FDFT1: variants seen among roughly 807,000 people sequenced by gnomAD.
The protein encoded by FDFT1 is squalene synthase.
Under a neutral mutation model 46.8 loss-of-function variants are expected in FDFT1, and 68 were observed. That is an observed-to-expected ratio of 1.45 (90% CI 1.19 to 1.78). The LOEUF is 1.78. Among genes scored for constraint, FDFT1 ranks in the 40% most tolerant of loss-of-function variants. FDFT1 has a pLI of 0.00. For missense variants in FDFT1, 928 were observed against 524.4 expected (o/e 1.77, Z -7.52); for synonymous variants, 351 against 185.1 (o/e 1.90, Z -7.28).
intron 4 of FDFT1, among the ~76,000 whole-genome samples, chr8:11,822,740 C>G (rs1409586054): frequency 1.3e-5 from 2 of 152,090 alleles, no homozygotes; most frequent in African/African-American, 2.4e-5. Context: ...TGCTTGAGCC[C>G]AAGAGTTGAA....
chr8:11,825,188 A>T (rs1809792259), intron 4 of FDFT1, among the ~76,000 whole-genome samples: 1 of 152,162 alleles, frequency 6.6e-6, no homozygotes, highest in Non-Finnish European at 1.5e-5. Flanking sequence ...AGTTCCTGTT[A>T]CCAGAATATT....
chr8:11,809,456 CTT>C, intron 2 of FDFT1: 1 of 1,285,940 alleles, frequency 7.8e-7, no homozygotes, highest in Non-Finnish European at 9.8e-7. Flanking sequence ...AACTAGTAGG[CTT>C]TTTAATAAAC....
upstream of FDFT1, among the ~76,000 whole-genome samples, chr8:11,797,268 C>T (rs985028956): frequency 9.2e-5 from 14 of 152,174 alleles, no homozygotes; most frequent in African/African-American, 1.7e-4. Context: ...CTGCCTGCAG[C>T]AGCGGTTGTT....
intron 7 of FDFT1, 114 bp downstream of exon 7, chr8:11,831,784 C>A: frequency 1.1e-6 from 1 of 890,270 alleles, no homozygotes; most frequent in South Asian, 1.5e-5. Flanking sequence ...TATCCTGTGG[C>A]CTAAAGAGAC....
At chr8:11,823,946 G>A (rs559196721) in intron 4 of FDFT1, among the ~76,000 whole-genome samples, 1 of 151,886 alleles carries the variant, frequency 6.6e-6, no homozygotes, top group African/African-American at 2.4e-5. Flanking sequence ...GGGTTTCATC[G>A]TGTTGCCTAG....
chr8:11,828,407 A>G (rs1458332200), intron 5 of FDFT1, among the ~76,000 whole-genome samples: 1 of 152,168 alleles, frequency 6.6e-6, no homozygotes, highest in Non-Finnish European at 1.5e-5. Flanking sequence ...CTCTTGTCTT[A>G]CCCCTCTTTT....
chr8:11,803,341 G>A lies in FDFT1; in HGVS notation c.99+410G>A, dbSNP rs141381802. The A allele has an allele frequency of 4.6e-3, 5,989 of 1,291,940 alleles. 42 individuals carry two copies. The highest frequency in any genetic ancestry group is 4.9e-3 in the Non-Finnish European group (4,817 of 990,632). 80.0% of individuals were successfully genotyped at this position (1,291,940 alleles called of 1,614,324 possible). On this transcript the variant is annotated intron_variant, in intron 1 of 7. Transcript: ENST00000220584. ...ATGCAGATAACATCACATGAAGGCCGTTTCTGGAATGAAGTCTGACTCCTC... is the reference window on the plus strand; with the variant it reads ...ATGCAGATAACATCACATGAAGGCCATTTCTGGAATGAAGTCTGACTCCTC...
chr8:11,838,904 ATG>A lies in FDFT1; in HGVS notation c.*296_*297del. 1 of 397,118 alleles carries A rather than the reference ATG, an allele frequency of 2.5e-6. No homozygotes were observed. The highest frequency in any genetic ancestry group is 5.6e-5 in the East Asian group (1 of 17,718). 24.6% of individuals were successfully genotyped at this position (397,118 alleles called of 1,614,324 possible). On this transcript the variant is annotated 3_prime_UTR_variant, in exon 8 of 8. Transcript: ENST00000220584. Reference sequence around the variant, plus strand: ...TGAAGTCGCTGCATATGTGACTGTCATGAGATCCTACTTAGTATGATCCTGGC... The same window carrying A: ...TGAAGTCGCTGCATATGTGACTGTCAAGATCCTACTTAGTATGATCCTGGC...
chr8:11,811,800 T>C (rs762851279), intron 3 of FDFT1, among the ~76,000 whole-genome samples: 2 of 152,238 alleles, frequency 1.3e-5, no homozygotes, highest in African/African-American at 4.8e-5. Flanking sequence ...CTTACGAATA[T>C]GAAGATGTAC....
At chr8:11,811,468 C>T (rs1022918885) in intron 3 of FDFT1, among the ~76,000 whole-genome samples, 2 of 152,170 alleles carry the variant, frequency 1.3e-5, no homozygotes, top group African/African-American at 4.8e-5. Context: ...CAGCCCTATC[C>T]CCTCAGCAGA....
chr8:11,834,059 C>T (rs1002693085), intron 7 of FDFT1, among the ~76,000 whole-genome samples: 1 of 152,246 alleles, frequency 6.6e-6, no homozygotes, highest in Non-Finnish European at 1.5e-5. Flanking sequence ...GATATTAACA[C>T]TGATCCTATT....
rs144284087 is a variant in FDFT1 at position 11,809,332 on chromosome 8, T to C, written c.198-335T>C. The C allele has an allele frequency of 2.1e-4, 231 of 1,096,588 alleles. No individual in the cohort carries two copies. The African/African-American group carries it at 3.6e-3, about 17-fold the overall frequency. The allele number at this position is 1,096,588 out of a possible 1,614,324, so 67.9% of individuals were successfully genotyped here. A position where few individuals can be genotyped will look rare whatever the true frequency, so the allele number is the denominator to read the frequency against. The stretch of plus-strand genomic sequence containing the variant: ...TATACTGAGAAGTTACTGTGTTTTT[T>C]GACTTTCTTTTCTATTTGCTACATA... On this transcript the variant is annotated intron_variant, in intron 2 of 7. Transcript: ENST00000220584.
intron 3 of FDFT1, 64 bp downstream of exon 3, chr8:11,809,914 G>A (rs867854355): frequency 9.3e-6 from 12 of 1,283,876 alleles, no homozygotes; most frequent in Admixed American, 4.0e-5. Context: ...GTGGTTGTCC[G>A]GTAGCCTCCA....
At chr8:11,827,805 C>G (rs769840422) in intron 5 of FDFT1, among the ~76,000 whole-genome samples, 2 of 151,888 alleles carry the variant, frequency 1.3e-5, no homozygotes, top group Non-Finnish European at 2.9e-5. Context: ...CACTGGGAGA[C>G]CAAGGTAGGA....
At chr8:11,797,669 CAA>C (rs1176762258), upstream of FDFT1, among the ~76,000 whole-genome samples, 53 of 108,262 alleles carry the variant, frequency 4.9e-4, no homozygotes, top group African/African-American at 1.8e-3. Flanking sequence ...AAGAAACAAA[CAA>C]AAAAAACGGT....
In FDFT1 at chr8:11,809,839, G is replaced by A. The variant is rs1417216620; in HGVS notation, c.370G>A (p.Asp124Asn). 3 of 1,613,240 alleles carry A rather than the reference G, an allele frequency of 1.9e-6. No individual in the cohort carries two copies. Among genetic ancestry groups the A allele is most frequent in the Non-Finnish European group, 2.5e-6 (3 of 1,179,450 alleles). Residue 124 changes from aspartate (D) to asparagine (N), a missense_variant, in exon 3 of 8, where the codon GAC becomes AAC. Transcript: ENST00000220584. ...GGAGAAGGATCGCCAGGTGCTGGAGGACTTCCCAACGGTGAGTGGGGTTAC... is the reference window on the plus strand; with the variant it reads ...GGAGAAGGATCGCCAGGTGCTGGAGAACTTCCCAACGGTGAGTGGGGTTAC... The part of the protein sequence containing the change: ...SKEKDRQVLE[D>N]FPTISLEFRN...
In FDFT1 at chr8:11,822,093, G is replaced by A. The variant is rs10465005; in HGVS notation, c.510+215G>A. Among the ~76,000 whole-genome samples, 21 of 152,286 alleles carry A rather than the reference G, an allele frequency of 1.4e-4. No homozygotes were observed. In the East Asian group the frequency reaches 3.3e-3, roughly 24 times the overall value. On this transcript the variant is annotated intron_variant, in intron 4 of 7. Transcript: ENST00000220584. ...GGATATCAGCCAGGCTAGGAGTAGG[G>A]TACTGGAGAGAAGTGCTTATCTAGA...
intron 7 of FDFT1, among the ~76,000 whole-genome samples, chr8:11,832,793 A>G (rs1811019923): frequency 6.6e-6 from 1 of 152,044 alleles, no homozygotes; most frequent in African/African-American, 2.4e-5. Flanking sequence ...GATCCTGTTG[A>G]GAATGAAACA....
chr8:11,799,015 T>C (rs117072534), upstream of FDFT1, among the ~76,000 whole-genome samples: 4 of 152,310 alleles, frequency 2.6e-5, no homozygotes, highest in East Asian at 7.7e-4. Flanking sequence ...AACGTACATA[T>C]TTAACAGATT....
Sources: gnomAD v4.1 joint callset for allele counts (sites outside exome capture counted in the v4.1 genomes callset) on GRCh38, gnomAD v4.1.1 for gene constraint, MANE v1.5 for transcripts, NCBI Gene and HGNC (gene_info 2026-07-23, HGNC 2026-07-21) for gene names.